Variants in TMCO5A observed in about 807,000 individuals in gnomAD.
TMCO5A encodes transmembrane and coiled-coil domain-containing protein 5A.
TMCO5A carries 34 observed loss-of-function variants against 42.3 expected under a neutral mutation model. The ratio of observed to expected loss-of-function variants is 0.80; its 90% CI spans 0.61 to 1.07. TMCO5A has a LOEUF of 1.07. Among genes scored for constraint, TMCO5A ranks in the 50% least tolerant of loss-of-function variants. TMCO5A has a pLI of 0.00. For missense variants in TMCO5A, 357 were observed against 327.9 expected (o/e 1.09, Z -0.69); for synonymous variants, 131 against 115.6 (o/e 1.13, Z -0.86).
the TMCO5A span, among the ~76,000 whole-genome samples, chr15:37,988,481 GT>G: frequency 6.6e-6 from 1 of 151,964 alleles, no homozygotes; most frequent in Admixed American, 6.6e-5. Flanking sequence ...TTTGCTGTGA[GT>G]TTTTTCATAC....
At chr15:37,952,396 G>C (rs1381140570), downstream of TMCO5A, among the ~76,000 whole-genome samples, 1 of 152,082 alleles carries the variant, frequency 6.6e-6, no homozygotes, top group Non-Finnish European at 1.5e-5. Context: ...CAGGAAGATA[G>C]GGCACCAGTC....
At chr15:38,007,938 C>A in the TMCO5A span, among the ~76,000 whole-genome samples, 3 of 116,636 alleles carry the variant, frequency 2.6e-5, no homozygotes, top group South Asian at 9.2e-4. Flanking sequence ...CTCTGTTGCC[C>A]AGGCTGGAGT....
At chr15:37,994,527 T>C in the TMCO5A span, 22 of 152,378 alleles carry the variant, frequency 1.4e-4, no homozygotes, top group African/African-American at 4.1e-4. Flanking sequence ...TTGATAGTCA[T>C]TGCAATTGGT....
chr15:37,943,640 T>C (rs1889835406), intron 10 of TMCO5A: 1 of 469,920 alleles, frequency 2.1e-6, no homozygotes, highest in African/African-American at 2.0e-5. Context: ...GCCGAAGACC[T>C]AAGAGAACTC....
At chr15:38,015,933 G>A in the TMCO5A span, among the ~76,000 whole-genome samples, 1 of 152,224 alleles carries the variant, frequency 6.6e-6, no homozygotes, top group Non-Finnish European at 1.5e-5. Flanking sequence ...GCAGAGCATA[G>A]AGGATTTTTA....
chr15:38,010,142 G>A, the TMCO5A span, among the ~76,000 whole-genome samples: 1 of 151,994 alleles, frequency 6.6e-6, no homozygotes, highest in East Asian at 1.9e-4. Context: ...GGGAGGCCGA[G>A]GCGGGCGGAT....
chr15:38,010,802 G>C, the TMCO5A span, among the ~76,000 whole-genome samples: 17 of 152,104 alleles, frequency 1.1e-4, no homozygotes, highest in African/African-American at 4.1e-4. Flanking sequence ...ACCCAGGCTA[G>C]AGTGCAGTGG....
At chr15:38,027,319 G>A in the TMCO5A span, among the ~76,000 whole-genome samples, 1 of 152,184 alleles carries the variant, frequency 6.6e-6, no homozygotes, top group East Asian at 1.9e-4. Flanking sequence ...TGGAGTCAAA[G>A]GAGATCATTT....
At chr15:37,987,835 A>G in the TMCO5A span, among the ~76,000 whole-genome samples, 7 of 151,788 alleles carry the variant, frequency 4.6e-5, no homozygotes, top group African/African-American at 1.7e-4. Flanking sequence ...TATTTTAGCT[A>G]TTTATCGTCT....
downstream of TMCO5A, among the ~76,000 whole-genome samples, chr15:37,970,326 A>G (rs1890649734): frequency 6.6e-6 from 1 of 152,296 alleles, no homozygotes; most frequent in African/African-American, 2.4e-5. Flanking sequence ...TCCCATTTTT[A>G]AAACCATCTG....
At chr15:37,945,175 T>A (rs1366467634) in intron 10 of TMCO5A, among the ~76,000 whole-genome samples, 1 of 152,060 alleles carries the variant, frequency 6.6e-6, no homozygotes, top group African/African-American at 2.4e-5. Context: ...TGGCTTCCAA[T>A]ACCACCCATG....
At chr15:37,955,255 TA>T (rs55989832), downstream of TMCO5A, among the ~76,000 whole-genome samples, 76,669 of 106,322 alleles carry the variant, frequency 0.72, 27,268 homozygotes, top group East Asian at 0.82. Flanking sequence ...ATTTAAAGAG[TA>T]AAAAAAAAAA....
At chr15:38,011,511 A>T in the TMCO5A span, among the ~76,000 whole-genome samples, 1 of 152,214 alleles carries the variant, frequency 6.6e-6, no homozygotes, top group Admixed American at 6.5e-5. Flanking sequence ...GTGAGTCACT[A>T]GGTCTAAGGA....
intron 11 of TMCO5A, among the ~76,000 whole-genome samples, chr15:37,950,350 T>C (rs1223686763): frequency 6.6e-6 from 1 of 152,152 alleles, no homozygotes; most frequent in Non-Finnish European, 1.5e-5. Context: ...AAAGAAAAGA[T>C]GGACAAACTA....
the TMCO5A span, among the ~76,000 whole-genome samples, chr15:38,015,057 G>C: frequency 1.5e-4 from 22 of 151,404 alleles, no homozygotes; most frequent in Non-Finnish European, 1.2e-4. Flanking sequence ...TGTAGACTGC[G>C]AGGCTAGGCC....
At chr15:37,980,874 A>C in the TMCO5A span, among the ~76,000 whole-genome samples, 2 of 152,172 alleles carry the variant, frequency 1.3e-5, no homozygotes, top group Non-Finnish European at 2.9e-5. Flanking sequence ...TTGGCATCAT[A>C]AAAAAGTGCT....
At chr15:37,941,560 G>C (rs899448103) in intron 7 of TMCO5A, 111 bp from the exon 8 acceptor site, 3 of 835,174 alleles carry the variant, frequency 3.6e-6, no homozygotes, top group African/African-American at 1.7e-5. Context: ...AACATATTTA[G>C]AACAATTAGA....
chr15:37,987,810 C>A, the TMCO5A span, among the ~76,000 whole-genome samples: 1 of 151,842 alleles, frequency 6.6e-6, no homozygotes, highest in East Asian at 1.9e-4. Context: ...AGCCTCCCAT[C>A]TTCTTTTTAA....
chr15:38,023,445 C>G, the TMCO5A span, among the ~76,000 whole-genome samples: 1 of 152,140 alleles, frequency 6.6e-6, no homozygotes, highest in Admixed American at 6.6e-5. Context: ...AGCATAGCAA[C>G]CTCAGAGTAG....
Sources: allele counts gnomAD v4.1 joint callset (sites outside exome capture counted in the v4.1 genomes callset), GRCh38; gene constraint gnomAD v4.1.1; transcripts MANE v1.5; gene names NCBI Gene and HGNC (gene_info 2026-07-23, HGNC 2026-07-21).